The following SPATS2L variants were observed in gnomAD, a reference collection of about 807,000 sequenced individuals.
The protein encoded by SPATS2L is spermatogenesis associated serine rich 2 like, also known as SPATS2-like protein.
SPATS2L carries 30 observed loss-of-function variants against 59.6 expected under a neutral mutation model. The observed-to-expected ratio is 0.50, with a 90% confidence interval of 0.38 to 0.68. The LOEUF (loss-of-function observed/expected upper bound fraction) is 0.68. Ranked by LOEUF, SPATS2L falls within the 30% of genes least tolerant of loss-of-function variation. The pLI, the probability that SPATS2L is intolerant of heterozygous loss-of-function variation, is 0.00. For missense variants in SPATS2L, 615 were observed against 700.0 expected (o/e 0.88, Z 1.37); for synonymous variants, 252 against 263.5 (o/e 0.96, Z 0.42).
chr2:200,378,274 G>A, intron 2 of SPATS2L: 1 of 1,002,520 alleles, frequency 1.0e-6, no homozygotes, highest in South Asian at 4.7e-5. Context: ...TGATAAAGGT[G>A]GCCAGTGGGG....
At chr2:200,308,891 C>T (rs1559027384) in intron 1 of SPATS2L, 1 of 592,792 alleles carries the variant, frequency 1.7e-6, no homozygotes, top group East Asian at 2.8e-5. Flanking sequence ...TTTTAGGGAG[C>T]CCCCTAATGA....
chr2:200,396,991 T>C (rs151172786), intron 3 of SPATS2L, among the ~76,000 whole-genome samples: 1 of 152,350 alleles, frequency 6.6e-6, no homozygotes, highest in Non-Finnish European at 1.5e-5. Flanking sequence ...TAGAAGAGAT[T>C]TGACAAGGAG....
At chr2:200,357,136 C>A (rs2080942415) in intron 2 of SPATS2L, among the ~76,000 whole-genome samples, 1 of 152,206 alleles carries the variant, frequency 6.6e-6, no homozygotes, top group Non-Finnish European at 1.5e-5. Context: ...TTCTTGAGAA[C>A]TATAATGTCA....
At chr2:200,364,994 C>T (rs1384372477) in intron 2 of SPATS2L, among the ~76,000 whole-genome samples, 1 of 152,194 alleles carries the variant, frequency 6.6e-6, no homozygotes, top group African/African-American at 2.4e-5. Context: ...GGAGAATCTT[C>T]GCAATCTGAC....
chr2:200,419,598 G>A (rs2083223876), intron 6 of SPATS2L, 102 bp downstream of exon 6: 1 of 1,365,202 alleles, frequency 7.3e-7, no homozygotes, highest in South Asian at 1.4e-5. Flanking sequence ...ATGGAAGGTT[G>A]TTTTTCTGCA....
In SPATS2L at chr2:200,482,109, C is replaced by T. The variant is rs2087792272; in HGVS notation, c.*4078C>T. 1 of 152,208 alleles carries T rather than the reference C, an allele frequency of 6.6e-6. No individual in the cohort carries two copies. Among genetic ancestry groups the T allele is most frequent in the Non-Finnish European group, 1.5e-5 (1 of 68,040 alleles). The allele number at this position is 152,208 out of a possible 1,614,324, so 9.4% of individuals were successfully genotyped here. A position where few individuals can be genotyped will look rare whatever the true frequency, so the allele number is the denominator to read the frequency against. ...TGAAAGTACTGAGCCATCTCAATTG[C>T]TCTGATTTTGTGAGAAAATTATGAA... On this transcript the variant is annotated 3_prime_UTR_variant, in exon 13 of 13. Coordinates refer to ENST00000409140, the MANE Select transcript of SPATS2L (RefSeq NM_001100423.2).
intron 3 of SPATS2L, chr2:200,389,547 G>A: frequency 2.7e-6 from 1 of 369,046 alleles, no homozygotes; most frequent in Non-Finnish European, 4.9e-6. Flanking sequence ...ATTTTACAGA[G>A]GTGGAAATTG....
intron 8 of SPATS2L, among the ~76,000 whole-genome samples, chr2:200,449,347 A>C (rs2085285063): frequency 6.6e-6 from 1 of 152,218 alleles, no homozygotes; most frequent in Admixed American, 6.5e-5. Context: ...TCTTATTAAT[A>C]GCCTTCCTGA....
At chr2:200,313,217 T>C (rs1347087940) in intron 1 of SPATS2L, among the ~76,000 whole-genome samples, 2 of 152,190 alleles carry the variant, frequency 1.3e-5, no homozygotes, top group Admixed American at 1.3e-4. Flanking sequence ...CTGCAGGTGA[T>C]GAGTATCACC....
intron 4 of SPATS2L, among the ~76,000 whole-genome samples, chr2:200,414,117 C>T (rs1190157552): frequency 6.6e-6 from 1 of 151,920 alleles, no homozygotes; most frequent in African/African-American, 2.4e-5. Context: ...TGAGGCCCCC[C>T]ACGTTCCTCA....
chr2:200,473,082 G>GT, intron 12 of SPATS2L, 30 bp downstream of exon 12: 45 of 1,420,850 alleles, frequency 3.2e-5, no homozygotes, highest in Non-Finnish European at 3.5e-5. Context: ...GGGTGCCAGA[G>GT]GAAAAAAAAA....
In SPATS2L at chr2:200,365,235, C is replaced by A. The variant is rs890494006; in HGVS notation, c.-22-23988C>A. Among the ~76,000 whole-genome samples the A allele has an allele frequency of 2.6e-5, 4 of 152,316 alleles. No individual in the cohort carries two copies. The East Asian group carries it at 7.7e-4, about 29-fold the overall frequency. ...TCTTTTAATGCTCACAAAATCACTG[C>A]GAAATACATATTATTACTTCCATTT... On this transcript the variant is annotated intron_variant, in intron 2 of 12. Coordinates refer to ENST00000409140, the MANE Select transcript of SPATS2L (RefSeq NM_001100423.2).
intron 6 of SPATS2L, among the ~76,000 whole-genome samples, chr2:200,432,834 GA>G (rs1348833093): frequency 1.7e-4 from 26 of 152,292 alleles, no homozygotes; most frequent in African/African-American, 6.0e-4. Context: ...CGATGAAGAA[GA>G]AAGGATGAGT....
upstream of SPATS2L, chr2:200,306,056 G>T (rs1261079072): frequency 1.2e-5 from 12 of 985,314 alleles, no homozygotes; most frequent in Non-Finnish European, 1.3e-5. Flanking sequence ...TTGGAGCCCA[G>T]TGTGCAGACC....
At chr2:200,411,128 G>A (rs1367629194) in intron 3 of SPATS2L, among the ~76,000 whole-genome samples, 1 of 151,764 alleles carries the variant, frequency 6.6e-6, no homozygotes, top group Non-Finnish European at 1.5e-5. Context: ...TATAGTGTCA[G>A]CACCTTTACA....
intron 3 of SPATS2L, among the ~76,000 whole-genome samples, chr2:200,391,299 C>A (rs936821780): frequency 1.9e-4 from 29 of 152,200 alleles, no homozygotes; most frequent in African/African-American, 7.0e-4. Flanking sequence ...TTCAAACTTA[C>A]TGTAGTTGAA....
At chr2:200,326,284 CT>C (rs1378611905) in intron 1 of SPATS2L, among the ~76,000 whole-genome samples, 1 of 152,070 alleles carries the variant, frequency 6.6e-6, no homozygotes, top group African/African-American at 2.4e-5. Flanking sequence ...CTCCTTTTCA[CT>C]TTTTTAAGGC....
At chr2:200,430,517 A>G (rs1338525914) in intron 6 of SPATS2L, among the ~76,000 whole-genome samples, 1 of 151,916 alleles carries the variant, frequency 6.6e-6, no homozygotes, top group East Asian at 1.9e-4. Context: ...ATGCACAGAT[A>G]TGTAGATTTT....
At chr2:200,469,779 A>T in intron 10 of SPATS2L, 135 bp from the exon 11 acceptor site, 1 of 653,850 alleles carries the variant, frequency 1.5e-6, no homozygotes. Context: ...GGAGCCTCCC[A>T]GCAACAGGGC....
Sources: allele counts gnomAD v4.1 joint callset (sites outside exome capture counted in the v4.1 genomes callset), GRCh38; gene constraint gnomAD v4.1.1; transcripts MANE v1.5; gene names NCBI Gene and HGNC (gene_info 2026-07-23, HGNC 2026-07-21).